ERICH2: variants seen among roughly 807,000 people sequenced by gnomAD.
The protein encoded by ERICH2 is glutamate-rich protein 2.
ERICH2 carries 17 observed loss-of-function variants against 17.4 expected under a neutral mutation model. That is an observed-to-expected ratio of 0.98 (90% confidence interval 0.67 to 1.47). ERICH2 has a LOEUF of 1.47. Ranked by LOEUF, ERICH2 falls within the 40% of genes most tolerant of loss-of-function variation. ERICH2 has a pLI of 0.00. For synonymous variants in ERICH2, 51 were observed against 61.1 expected (o/e 0.83, Z 0.77); for missense variants, 186 against 183.2 (o/e 1.01, Z -0.09).
At chr2:170,782,133 ATTG>A (rs1373695358), upstream of ERICH2, 3 of 177,682 alleles carry the variant, frequency 1.7e-5, no homozygotes, top group African/African-American at 7.2e-5. Context: ...TATTTAGTTT[ATTG>A]TTGACATATT....
upstream of ERICH2, chr2:170,782,193 A>C: frequency 1.8e-6 from 1 of 552,408 alleles, no homozygotes; most frequent in Non-Finnish European, 2.3e-6. Flanking sequence ...TAAAGCATTA[A>C]ACAGAATTAT....
At chr2:170,798,964 A>G in exon 5 of ERICH2, 1 of 1,499,320 alleles carries the variant, frequency 6.7e-7, no homozygotes, top group South Asian at 1.2e-5. Context: ...AAGACAAGTG[A>G]CATTTTAGTC....
chr2:170,797,397 G>A (rs1047368004), intron 3 of ERICH2, among the ~76,000 whole-genome samples: 7 of 152,132 alleles, frequency 4.6e-5, no homozygotes, highest in Admixed American at 6.5e-5. Flanking sequence ...TGCAGAATTT[G>A]TACCTTCTTT....
intron 2 of ERICH2, among the ~76,000 whole-genome samples, chr2:170,785,190 G>T (rs961001459): frequency 6.6e-6 from 1 of 152,004 alleles, no homozygotes; most frequent in Admixed American, 6.6e-5. Flanking sequence ...GCCTTGATTT[G>T]ATCATTACAC....
chr2:170,775,279 A>AG, the ERICH2 span, among the ~76,000 whole-genome samples: 1 of 151,920 alleles, frequency 6.6e-6, no homozygotes, highest in South Asian at 2.1e-4. Flanking sequence ...ATAAAAAAAA[A>AG]AAAATAGCCG....
At chr2:170,794,853 A>G (rs1241342993) in intron 3 of ERICH2, among the ~76,000 whole-genome samples, 2 of 152,260 alleles carry the variant, frequency 1.3e-5, no homozygotes, top group Non-Finnish European at 2.9e-5. Flanking sequence ...GGCTCATTTT[A>G]CAAATTGGTT....
At chr2:170,792,310 A>G (rs1701308166) in intron 2 of ERICH2, among the ~76,000 whole-genome samples, 1 of 152,204 alleles carries the variant, frequency 6.6e-6, no homozygotes, top group South Asian at 2.1e-4. Flanking sequence ...GGTAGAAATT[A>G]AGTGCTTCTT....
intron 2 of ERICH2, among the ~76,000 whole-genome samples, chr2:170,789,237 T>C (rs941665549): frequency 6.6e-6 from 1 of 151,998 alleles, no homozygotes; most frequent in Non-Finnish European, 1.5e-5. Context: ...AGTGTTGGGA[T>C]TACAGGCATG....
chr2:170,782,261 A>G (rs1024653144), upstream of ERICH2: 36 of 944,134 alleles, frequency 3.8e-5, no homozygotes, highest in Non-Finnish European at 4.5e-5. Context: ...CCTTCTAAGA[A>G]TATTGCAAAT....
intron 2 of ERICH2, among the ~76,000 whole-genome samples, chr2:170,786,913 T>C (rs1342180450): frequency 6.6e-6 from 1 of 152,230 alleles, no homozygotes; most frequent in East Asian, 1.9e-4. Flanking sequence ...TGGCATATAA[T>C]AGCTGTTTTA....
At chr2:170,781,587 C>T (rs1028701066), upstream of ERICH2, among the ~76,000 whole-genome samples, 4 of 149,810 alleles carry the variant, frequency 2.7e-5, no homozygotes, top group African/African-American at 7.4e-5. Context: ...GAGCCGAGAT[C>T]GCGTCACAGC....
the ERICH2 span, among the ~76,000 whole-genome samples, chr2:170,774,567 T>TTC: frequency 6.0e-4 from 1 of 1,676 alleles, no homozygotes; most frequent in Non-Finnish European, 1.7e-3. Flanking sequence ...GCCCCATCTT[T>TTC]TTTTTTTTTT....
chr2:170,785,390 T>C (rs1025843352), intron 2 of ERICH2, among the ~76,000 whole-genome samples: 1 of 152,046 alleles, frequency 6.6e-6, no homozygotes, highest in Non-Finnish European at 1.5e-5. Flanking sequence ...CATGCAGTAT[T>C]TTGGTAAAGC....
chr2:170,783,734 C>T (rs1490099838), upstream of ERICH2: 3 of 1,498,356 alleles, frequency 2.0e-6, no homozygotes, highest in East Asian at 4.9e-5. Context: ...TGTGACATCA[C>T]AAAATGTCCC....
chr2:170,785,275 A>T (rs1378225581), intron 2 of ERICH2, among the ~76,000 whole-genome samples: 1 of 152,176 alleles, frequency 6.6e-6, no homozygotes, highest in East Asian at 1.9e-4. Flanking sequence ...AAACATTTTT[A>T]AAAATTAATA....
At chr2:170,779,897 TAATTAATTTTG>T, upstream of ERICH2, 1 of 948,632 alleles carries the variant, frequency 1.1e-6, no homozygotes, top group Non-Finnish European at 1.3e-6. Context: ...AAGTAAGTTT[TAATTAATTTTG>T]TTTTTAGGCC....
intron 2 of ERICH2, 56 bp from the exon 8 acceptor site, chr2:170,792,807 A>C: frequency 1.8e-6 from 2 of 1,081,698 alleles, no homozygotes; most frequent in South Asian, 1.8e-5. Flanking sequence ...TTTTCTAGGG[A>C]GTTTAGAGTT....
At chr2:170,779,360 T>C (rs552725795), upstream of ERICH2, among the ~76,000 whole-genome samples, 2 of 152,328 alleles carry the variant, frequency 1.3e-5, no homozygotes, top group Admixed American at 1.3e-4. Context: ...TTCTTTGCTC[T>C]AGTTTTTGTA....
intron 2 of ERICH2, among the ~76,000 whole-genome samples, chr2:170,788,343 G>T (rs1402905777): frequency 6.6e-6 from 1 of 151,870 alleles, no homozygotes; most frequent in Non-Finnish European, 1.5e-5. Context: ...AATTATAAAA[G>T]TTATCCATTA....
Sources: gnomAD v4.1 joint callset for allele counts (sites outside exome capture counted in the v4.1 genomes callset) on GRCh38, gnomAD v4.1.1 for gene constraint, MANE v1.5 for transcripts, NCBI Gene and HGNC (gene_info 2026-07-23, HGNC 2026-07-21) for gene names.